Variants in SLC22A15 observed in about 807,000 individuals in gnomAD.
SLC22A15 encodes flipt 1.
In SLC22A15, 45 loss-of-function variants were observed where a neutral mutation model predicts 62.7. The observed-to-expected ratio is 0.72, with a 90% CI of 0.56 to 0.92. SLC22A15 has a LOEUF of 0.92. Ranked by LOEUF, SLC22A15 falls within the 40% of genes least tolerant of loss-of-function variation. The pLI, the probability that SLC22A15 is intolerant of heterozygous loss-of-function variation, is 0.00. For synonymous variants in SLC22A15, 264 were observed against 267.0 expected (o/e 0.99, Z 0.11); for missense variants, 622 against 665.6 (o/e 0.93, Z 0.72).
intron 1 of SLC22A15, among the ~76,000 whole-genome samples, chr1:115,983,868 TG>T (rs1485834094): frequency 2.0e-5 from 3 of 152,172 alleles, no homozygotes; most frequent in South Asian, 2.1e-4. Context: ...TGCCCCAACC[TG>T]GGCATAAAAT....
In SLC22A15 at chr1:116,068,107, G is replaced by A. The variant is rs957141498; in HGVS notation, c.*999G>A. 5 of 152,640 alleles carry A rather than the reference G, an allele frequency of 3.3e-5. No individual in the cohort carries two copies. Among genetic ancestry groups the A allele is most frequent in the Admixed American group, 3.3e-4 (5 of 15,274 alleles). 9.5% of individuals were successfully genotyped at this position (152,640 alleles called of 1,614,324 possible). A position where few individuals can be genotyped will look rare whatever the true frequency, so the allele number is the denominator to read the frequency against. On this transcript the variant is annotated 3_prime_UTR_variant, in exon 12 of 12. Transcript: ENST00000369503. ...TTTAAGAACTTCTTGTCCTAGATCA[G>A]CCCCAATCTGTTTAATCAAAATGGA...
At chr1:116,065,943 A>G (rs1447326940) in intron 10 of SLC22A15, among the ~76,000 whole-genome samples, 1 of 152,200 alleles carries the variant, frequency 6.6e-6, no homozygotes, top group Non-Finnish European at 1.5e-5. Flanking sequence ...AATTGCTTGT[A>G]TCACCAGCCC....
At chr1:115,989,570 C>T (rs1022186154) in intron 1 of SLC22A15, among the ~76,000 whole-genome samples, 4 of 152,116 alleles carry the variant, frequency 2.6e-5, no homozygotes, top group Non-Finnish European at 5.9e-5. Context: ...CACTGGAGAT[C>T]AGGAGTTCAA....
intron 6 of SLC22A15, chr1:116,032,514 C>T: frequency 1.0e-6 from 1 of 985,266 alleles, no homozygotes; most frequent in South Asian, 4.7e-5. Context: ...TATAAAGCTA[C>T]AAAGAATAGT....
chr1:116,064,376 C>T (rs1658448565), intron 9 of SLC22A15, 60 bp from the exon 10 acceptor site: 2 of 1,294,994 alleles, frequency 1.5e-6, no homozygotes, highest in Middle Eastern at 1.8e-4. Context: ...TGCTGCCCCC[C>T]AAGGGTCTCT....
chr1:116,027,215 A>T (rs1657137449), intron 5 of SLC22A15, 193 bp downstream of exon 5: 1 of 657,510 alleles, frequency 1.5e-6, no homozygotes, highest in Admixed American at 1.9e-5. Context: ...TTCAGAATGC[A>T]GGTATCCCTT....
At chr1:116,017,667 A>G (rs1656607897) in intron 2 of SLC22A15, 1 of 152,270 alleles carries the variant, frequency 6.6e-6, no homozygotes, top group African/African-American at 2.4e-5. Flanking sequence ...AGCCATGATG[A>G]CTGGTTGTGG....
intron 8 of SLC22A15, among the ~76,000 whole-genome samples, chr1:116,050,625 A>T (rs1658026526): frequency 6.6e-6 from 1 of 152,146 alleles, no homozygotes; most frequent in South Asian, 2.1e-4. Context: ...CCAACATAAT[A>T]CTGAAAAGTT....
chr1:116,017,371 AAAAAAAAAAAAAAG>A (rs1345660323), intron 2 of SLC22A15: 3 of 150,704 alleles, frequency 2.0e-5, no homozygotes, highest in Non-Finnish European at 4.4e-5. Context: ...ACCCTGCCAA[AAAAAAAAAAAAAAG>A]AAAAGAAAAA....
In SLC22A15 at chr1:116,062,890, T is replaced by A; in HGVS notation, c.1292+8T>A. On this transcript the variant is annotated splice_region_variant and intron_variant, in intron 9 of 11. Coordinates refer to ENST00000369503, the MANE Select transcript of SLC22A15 (RefSeq NM_018420.3). ...TTACCCTACAGTCATCAGGTACGTG[T>A]CTCACACAGCCTCATTCTTCACACA... The A allele has an allele frequency of 6.2e-7, 1 of 1,613,138 alleles. No homozygotes were observed. The highest frequency in any genetic ancestry group is 8.5e-7 in the Non-Finnish European group (1 of 1,179,286).
At chr1:116,062,946 A>G (rs370061679) in intron 9 of SLC22A15, 64 bp downstream of exon 9, 36 of 1,585,118 alleles carry the variant, frequency 2.3e-5, no homozygotes, top group Middle Eastern at 1.7e-4. Flanking sequence ...TCTTGCACCA[A>G]CAGAGGTGTG....
chr1:116,060,515 T>C (rs963108437), intron 8 of SLC22A15, among the ~76,000 whole-genome samples: 6 of 152,320 alleles, frequency 3.9e-5, no homozygotes, highest in South Asian at 4.1e-4. Flanking sequence ...GGCAGTTCTT[T>C]AGCCTGTTGT....
chr1:116,057,564 C>A (rs1410369858), intron 8 of SLC22A15, among the ~76,000 whole-genome samples: 5 of 152,154 alleles, frequency 3.3e-5, no homozygotes, highest in Admixed American at 1.3e-4. Flanking sequence ...TGGGTATATA[C>A]CCAAAGGACT....
Position 116,008,654 on chromosome 1 carries a change from G to T in SLC22A15, c.301-10928G>T, listed in dbSNP as rs79765145. Among the ~76,000 whole-genome samples, 181 of 152,290 alleles carry T rather than the reference G, an allele frequency of 1.2e-3. 1 individual carries two copies. The highest frequency in any genetic ancestry group is 3.4e-3 in the Middle Eastern group (1 of 294). ...AGGCTGAAAGCTAAATAAGATGCTCGCAGTCACCTGCTTGAGAGTGCTTTG... is the reference window on the plus strand; with the variant it reads ...AGGCTGAAAGCTAAATAAGATGCTCTCAGTCACCTGCTTGAGAGTGCTTTG... On this transcript the variant is annotated intron_variant, in intron 2 of 11. Transcript: ENST00000369503.
At chr1:116,042,643 G>A (rs965386100) in intron 8 of SLC22A15, among the ~76,000 whole-genome samples, 3 of 152,168 alleles carry the variant, frequency 2.0e-5, no homozygotes, top group African/African-American at 7.2e-5. Context: ...TTCATCAAGA[G>A]GATAGAGCAG....
intron 6 of SLC22A15, among the ~76,000 whole-genome samples, chr1:116,033,692 G>T (rs933989415): frequency 2.6e-5 from 4 of 151,928 alleles, no homozygotes; most frequent in Non-Finnish European, 5.9e-5. Flanking sequence ...AGGTGTAAGG[G>T]ATTTTAAAAA....
intron 4 of SLC22A15, 95 bp downstream of exon 4, chr1:116,020,980 G>A (rs1031019162): frequency 1.6e-5 from 18 of 1,132,104 alleles, no homozygotes; most frequent in Non-Finnish European, 2.1e-5. Flanking sequence ...AATGCATTTG[G>A]ACTTGAGGTA....
At chr1:115,987,261 G>T (rs1341746319) in intron 1 of SLC22A15, among the ~76,000 whole-genome samples, 1 of 151,608 alleles carries the variant, frequency 6.6e-6, no homozygotes, top group Non-Finnish European at 1.5e-5. Flanking sequence ...CGCCTCCCGG[G>T]TTCACGCCAT....
intron 8 of SLC22A15, among the ~76,000 whole-genome samples, chr1:116,052,108 T>C (rs1306209891): frequency 2.0e-5 from 3 of 152,220 alleles, no homozygotes; most frequent in Admixed American, 6.5e-5. Flanking sequence ...AGGCATTGCC[T>C]CACTCGGGAA....
Sources: gnomAD v4.1 joint callset for allele counts (sites outside exome capture counted in the v4.1 genomes callset) on GRCh38, gnomAD v4.1.1 for gene constraint, MANE v1.5 for transcripts, NCBI Gene and HGNC (gene_info 2026-07-23, HGNC 2026-07-21) for gene names.